The following SLC24A2 variants were observed in gnomAD, a reference collection of about 807,000 sequenced individuals.
SLC24A2 encodes solute carrier family 24 member 2.
A neutral mutation model predicts 62.0 loss-of-function variants in SLC24A2; 36 were observed. That is an observed-to-expected ratio of 0.58 (90% CI 0.44 to 0.77). The LOEUF (loss-of-function observed/expected upper bound fraction) is 0.77. Among genes scored for constraint, SLC24A2 ranks in the 30% least tolerant of loss-of-function variants. The pLI is 0.00. For synonymous variants in SLC24A2, 358 were observed against 294.0 expected (o/e 1.22, Z -2.23); for missense variants, 846 against 817.9 (o/e 1.03, Z -0.42).
the SLC24A2 span, among the ~76,000 whole-genome samples, chr9:20,239,885 T>G: frequency 6.6e-6 from 1 of 151,968 alleles, no homozygotes; most frequent in Non-Finnish European, 1.5e-5. Flanking sequence ...GGCTTTTTTT[T>G]TTTTTTGTCA....
At chr9:19,563,482 G>T (rs1292378309) in intron 7 of SLC24A2, among the ~76,000 whole-genome samples, 1 of 152,076 alleles carries the variant, frequency 6.6e-6, no homozygotes, top group Non-Finnish European at 1.5e-5. Context: ...GCTTACTAAG[G>T]ATAATATTTT....
the SLC24A2 span, among the ~76,000 whole-genome samples, chr9:19,893,076 T>C: frequency 6.6e-6 from 1 of 152,208 alleles, no homozygotes; most frequent in African/African-American, 2.4e-5. Flanking sequence ...ACTTCGTCTT[T>C]AATAATGTTC....
intron 10 of SLC24A2, among the ~76,000 whole-genome samples, chr9:19,519,817 G>C (rs1833103889): frequency 6.6e-6 from 1 of 152,200 alleles, no homozygotes; most frequent in Admixed American, 6.5e-5. Context: ...CAAGCATGGA[G>C]AGCTCTTCAG....
At chr9:19,679,838 C>CTG (rs58253967) in intron 2 of SLC24A2, among the ~76,000 whole-genome samples, 7,033 of 142,360 alleles carry the variant, frequency 0.049, 211 homozygotes, top group African/African-American at 0.092. Flanking sequence ...CTCACATATA[C>CTG]TGTGTGTGTG....
chr9:20,034,459 T>TG, the SLC24A2 span, among the ~76,000 whole-genome samples: 31 of 136,974 alleles, frequency 2.3e-4, no homozygotes, highest in African/African-American at 8.0e-4. Context: ...AAGTTTTTTT[T>TG]TTTTTTTTTT....
At chr9:19,827,144 T>A in the SLC24A2 span, among the ~76,000 whole-genome samples, 1 of 152,146 alleles carries the variant, frequency 6.6e-6, no homozygotes, top group African/African-American at 2.4e-5. Flanking sequence ...TGAGGGACAC[T>A]AACACACACA....
the SLC24A2 span, among the ~76,000 whole-genome samples, chr9:20,306,122 G>A: frequency 6.6e-6 from 1 of 152,144 alleles, no homozygotes; most frequent in African/African-American, 2.4e-5. Context: ...GTATGAATTG[G>A]ATAGGGACAC....
the SLC24A2 span, among the ~76,000 whole-genome samples, chr9:19,981,370 C>T: frequency 2.6e-5 from 4 of 152,096 alleles, no homozygotes; most frequent in Non-Finnish European, 5.9e-5. Context: ...AATAATATTG[C>T]AGGAACTCTC....
At chr9:20,063,937 A>G in the SLC24A2 span, among the ~76,000 whole-genome samples, 1 of 152,192 alleles carries the variant, frequency 6.6e-6, no homozygotes, top group South Asian at 2.1e-4. Context: ...TTAAAAAGTT[A>G]CACGTAAACT....
At chr9:20,222,616 G>A in the SLC24A2 span, among the ~76,000 whole-genome samples, 1 of 152,036 alleles carries the variant, frequency 6.6e-6, no homozygotes, top group South Asian at 2.1e-4. Context: ...ACTAGCAAAT[G>A]ATCTGGCAGA....
chr9:19,855,989 C>T, the SLC24A2 span, among the ~76,000 whole-genome samples: 1 of 151,458 alleles, frequency 6.6e-6, no homozygotes, highest in Non-Finnish European at 1.5e-5. Context: ...TGTTCCTTTT[C>T]ATTTTTTTTC....
the SLC24A2 span, chr9:19,967,552 C>CATTTACT: frequency 6.6e-6 from 1 of 152,204 alleles, no homozygotes; most frequent in Non-Finnish European, 1.5e-5. Context: ...AGCTCTGATG[C>CATTTACT]AATTTACGTT....
the SLC24A2 span, chr9:19,967,341 G>T: frequency 6.6e-6 from 1 of 152,044 alleles, no homozygotes; most frequent in Non-Finnish European, 1.5e-5. Context: ...ATACTTGTAT[G>T]TGTAAGTGAA....
At chr9:19,784,362 A>G (rs752142999) in intron 2 of SLC24A2, among the ~76,000 whole-genome samples, 2 of 152,224 alleles carry the variant, frequency 1.3e-5, no homozygotes, top group Non-Finnish European at 2.9e-5. Context: ...AATGTTGCCA[A>G]TATAACATTC....
the SLC24A2 span, among the ~76,000 whole-genome samples, chr9:19,938,318 A>G: frequency 1.8e-4 from 27 of 152,160 alleles, no homozygotes. Context: ...TTAATATACT[A>G]TTTCCCAAAA....
chr9:20,153,412 C>G, the SLC24A2 span, among the ~76,000 whole-genome samples: 2 of 151,894 alleles, frequency 1.3e-5, no homozygotes, highest in South Asian at 4.1e-4. Context: ...AGAACACCTG[C>G]TTTGAAGTCA....
chr9:20,210,971 T>C, the SLC24A2 span, among the ~76,000 whole-genome samples: 3 of 152,094 alleles, frequency 2.0e-5, no homozygotes, highest in Non-Finnish European at 4.4e-5. Flanking sequence ...CTTTTGGATC[T>C]AGACTGTGTT....
At chr9:20,212,049 T>A in the SLC24A2 span, among the ~76,000 whole-genome samples, 23 of 148,768 alleles carry the variant, frequency 1.5e-4, no homozygotes, top group African/African-American at 6.0e-4. Flanking sequence ...TATCAATAAA[T>A]GGGTTGAACT....
chr9:19,594,976 T>G (rs955581545), intron 5 of SLC24A2, among the ~76,000 whole-genome samples: 3 of 152,228 alleles, frequency 2.0e-5, no homozygotes, highest in Non-Finnish European at 2.9e-5. Flanking sequence ...GATGGACAGC[T>G]GCTATTCCAA....
Sources: gnomAD v4.1 joint callset for allele counts (sites outside exome capture counted in the v4.1 genomes callset) on GRCh38, gnomAD v4.1.1 for gene constraint, MANE v1.5 for transcripts, NCBI Gene and HGNC (gene_info 2026-07-23, HGNC 2026-07-21) for gene names.